Variants in PIGQ observed in about 807,000 individuals in gnomAD.
PIGQ encodes phosphatidylinositol N-acetylglucosaminyltransferase subunit Q.
In PIGQ, 54 loss-of-function variants were observed where a neutral mutation model predicts 60.3. The observed-to-expected ratio is 0.90, with a 90% CI of 0.72 to 1.12. The LOEUF is 1.12. Among genes scored for constraint, PIGQ ranks in the 50% most tolerant of loss-of-function variants. PIGQ has a pLI of 0.00. For missense variants in PIGQ, 799 were observed against 793.5 expected (o/e 1.01, Z -0.08); for synonymous variants, 416 against 363.7 (o/e 1.14, Z -1.64).
chr16:581,693 A>G (rs1449272744), intron 9 of PIGQ: 1 of 156,388 alleles, frequency 6.4e-6, no homozygotes, highest in Non-Finnish European at 1.4e-5. Context: ...CGAACTCCTG[A>G]CCTCGTGATC....
Position 574,424 on chromosome 16 carries a change from C to T in PIGQ, c.350C>T (p.Ala117Val), listed in dbSNP as rs111753944. Residue 117 changes from alanine to valine, a missense_variant, in exon 2 of 11, where the codon GCC becomes GTC. By Grantham distance (64) the Ala-to-Val change is moderately conservative. Transcript: ENST00000321878. ...GCCACCCACCGGCAAGCGCCCACTG[C>T]CCCCGGTGCCCCTGGTGAGGACCAG... is the stretch of plus-strand genomic sequence containing the variant. ...CEATHRQAPT[A>V]PGAPGEDQVM... is the part of the protein sequence containing the mutation. 11,055 of 1,610,296 alleles carry T rather than the reference C, an allele frequency of 6.9e-3. 46 individuals carry two copies. Among genetic ancestry groups the T allele is most frequent in the Non-Finnish European group, 8.7e-3 (10,214 of 1,178,958 alleles).
chr16:572,476 G>C (rs2035648550), intron 1 of PIGQ: 1 of 455,522 alleles, frequency 2.2e-6, no homozygotes, highest in African/African-American at 2.0e-5. Context: ...TCCGTGTGAG[G>C]CCTCTTCCAG....
rs1372127890 is a variant in PIGQ, at chr16:570,020, C to T, written c.-86C>T. 2 of 149,594 alleles carry T rather than the reference C, an allele frequency of 1.3e-5. No individual in the cohort carries two copies. Among genetic ancestry groups the T allele is most frequent in the Non-Finnish European group, 3.0e-5 (2 of 66,980 alleles). 9.3% of individuals were successfully genotyped at this position (149,594 alleles called of 1,614,324 possible). On this transcript the variant is annotated 5_prime_UTR_variant, in exon 1 of 11. Coordinates refer to ENST00000321878, the MANE Select transcript of PIGQ (RefSeq NM_004204.5). ...GGCTGGAGGCAGCGAGCGCCGTCGTCTGCCCGGGCCCGCCCATCGGGGTCC... is the reference window on the plus strand; with the variant it reads ...GGCTGGAGGCAGCGAGCGCCGTCGTTTGCCCGGGCCCGCCCATCGGGGTCC...
In PIGQ at chr16:583,395, G is replaced by C; in HGVS notation, c.*360G>C. On this transcript the variant is annotated 3_prime_UTR_variant, in exon 11 of 11. Transcript: ENST00000321878. Reference sequence around the variant, plus strand: ...GGTCCGTCCACCACAGCAGCCCCAGGTGGAGGGCTGGTCTCCCTGGGGGCT... The same window carrying C: ...GGTCCGTCCACCACAGCAGCCCCAGCTGGAGGGCTGGTCTCCCTGGGGGCT... 6.2e-7 allele frequency: 1 copy of C among 1,612,714 alleles called. No homozygotes were observed. Among genetic ancestry groups the C allele is most frequent in the Non-Finnish European group, 8.5e-7 (1 of 1,179,886 alleles).
At position 583,770 on chromosome 16, in the gene PIGQ, ATCTG is replaced by A; in HGVS notation, c.*739_*742del. 1 of 970,782 alleles carries A rather than the reference ATCTG, an allele frequency of 1.0e-6. No individual in the cohort carries two copies. The highest frequency in any genetic ancestry group is 1.6e-6 in the Non-Finnish European group (1 of 622,498). The allele number at this position is 970,782 out of a possible 1,614,324, so 60.1% of individuals were successfully genotyped here. The stretch of plus-strand genomic sequence containing the variant: ...CCGTAGCAGCAGGTCCTGCGGCCAA[ATCTG>A]TCTCCCTTCATGGGCCTCCCAGGGA... On this transcript the variant is annotated 3_prime_UTR_variant, in exon 11 of 11. Coordinates refer to ENST00000321878, the MANE Select transcript of PIGQ (RefSeq NM_004204.5).
chr16:574,757 C>A lies in PIGQ; in HGVS notation c.683C>A (p.Ala228Asp). 1 of 1,567,352 alleles carries A rather than the reference C, an allele frequency of 6.4e-7. No individual in the cohort carries two copies. Among genetic ancestry groups the A allele is most frequent in the Non-Finnish European group, 8.6e-7 (1 of 1,161,414 alleles). The change falls in exon 2 of 11, where the codon GCC becomes GAC. Residue 228 changes from alanine to aspartate, a missense_variant. Physicochemically the swap from Ala to Asp is moderately radical, Grantham distance 126. Transcript: ENST00000321878. ...SLLSLVSAVS[A>D]CRVFKLWPLS... Reference sequence around the variant, plus strand: ...CTGTCGCTGGTCTCAGCTGTCAGTGCCTGCCGGTAGGTGTCCCGGGACAGG... The same window carrying A: ...CTGTCGCTGGTCTCAGCTGTCAGTGACTGCCGGTAGGTGTCCCGGGACAGG...
intron 1 of PIGQ, among the ~76,000 whole-genome samples, chr16:573,204 G>C (rs2151043587): frequency 6.6e-6 from 1 of 152,360 alleles, no homozygotes; most frequent in African/African-American, 2.4e-5. Flanking sequence ...TTGGAAGGCT[G>C]GTGTCCCTCA....
In PIGQ at chr16:574,207, G is replaced by A. The variant is rs749896045; in HGVS notation, c.133G>A (p.Val45Ile). Residue 45 changes from valine (V) to isoleucine (I), a missense_variant, in exon 2 of 11, where the codon GTC (valine) becomes ATC (isoleucine). Coordinates refer to ENST00000321878, the MANE Select transcript of PIGQ (RefSeq NM_004204.5). ...VLHFPFIPIQ[V>I]KQLLAQVRQA... ...GCACTTTCCCTTCATCCCCATCCAG[G>A]TCAAGCAGCTCCTGGCCCAGGTGCG... 2 of 1,612,310 alleles carry A rather than the reference G, an allele frequency of 1.2e-6. No individual in the cohort carries two copies. Among genetic ancestry groups the A allele is most frequent in the Admixed American group, 3.3e-5 (2 of 60,004 alleles).
At chr16:573,786 C>T (rs1166433670) in intron 1 of PIGQ, among the ~76,000 whole-genome samples, 3 of 152,172 alleles carry the variant, frequency 2.0e-5, no homozygotes, top group Non-Finnish European at 4.4e-5. Context: ...AATGGGAGGG[C>T]AGGCCTGGTG....
chr16:571,393 CGTGT>C (rs1206031871), intron 1 of PIGQ, among the ~76,000 whole-genome samples: 3 of 56,194 alleles, frequency 5.3e-5, no homozygotes, highest in Admixed American at 4.1e-4. Context: ...GCCTGGTGCC[CGTGT>C]GTGTGTGTCT....
In PIGQ at chr16:574,202, T is replaced by C. The variant is rs761241200; in HGVS notation, c.128T>C (p.Ile43Thr). The C allele has an allele frequency of 6.2e-7, 1 of 1,612,356 alleles. No homozygotes were observed. The highest frequency in any genetic ancestry group is 8.5e-7 in the Non-Finnish European group (1 of 1,179,798). ...LAVLHFPFIPIQVKQLLAQVR... is the reference protein window; with the variant it reads ...LAVLHFPFIPTQVKQLLAQVR... Reference sequence around the variant, plus strand: ...GTCCTGCACTTTCCCTTCATCCCCATCCAGGTCAAGCAGCTCCTGGCCCAG... The same window carrying C: ...GTCCTGCACTTTCCCTTCATCCCCACCCAGGTCAAGCAGCTCCTGGCCCAG... Residue 43 changes from isoleucine to threonine, a missense_variant, in exon 2 of 11, where the codon ATC becomes ACC. Ile to Thr is a moderately conservative substitution (Grantham distance 89, BLOSUM62 -1). Coordinates refer to ENST00000321878, the MANE Select transcript of PIGQ (RefSeq NM_004204.5).
Position 583,456 on chromosome 16 carries a change from G to A in PIGQ, c.*421G>A, listed in dbSNP as rs1461827308. 10 of 1,612,682 alleles carry A rather than the reference G, an allele frequency of 6.2e-6. No individual in the cohort carries two copies. Among genetic ancestry groups the A allele is most frequent in the Non-Finnish European group, 8.5e-6 (10 of 1,179,924 alleles). ...TCTGCCCTGGCTGTGGGGGTGGAGGGACCTTGCCAGGATGAACCCCCCAGT... is the reference window on the plus strand; with the variant it reads ...TCTGCCCTGGCTGTGGGGGTGGAGGAACCTTGCCAGGATGAACCCCCCAGT... On this transcript the variant is annotated 3_prime_UTR_variant, in exon 11 of 11. Transcript: ENST00000321878.
chr16:576,831 T>G, intron 4 of PIGQ: 1 of 282,810 alleles, frequency 3.5e-6, no homozygotes, highest in Non-Finnish European at 6.5e-6. Context: ...CTCTGGGCCT[T>G]CAGCTTCTCT....
Position 583,991 on chromosome 16 carries a change from G to A in PIGQ, c.*956G>A. On this transcript the variant is annotated 3_prime_UTR_variant, in exon 11 of 11. Coordinates refer to ENST00000321878, the MANE Select transcript of PIGQ (RefSeq NM_004204.5). ...CCGGCTGGTGAGGGGATGACGCGCT[G>A]TGGGTGGGAGGAGGCAGCGCCCATC... 1 of 381,190 alleles carries A rather than the reference G, an allele frequency of 2.6e-6. No homozygotes were observed. The highest frequency in any genetic ancestry group is 5.1e-6 in the Non-Finnish European group (1 of 196,922). 23.6% of individuals were successfully genotyped at this position (381,190 alleles called of 1,614,324 possible). A position where few individuals can be genotyped will look rare whatever the true frequency, so the allele number is the denominator to read the frequency against.
Position 575,944 on chromosome 16 carries a change from G to A in PIGQ, c.795G>A (p.Lys265=), listed in dbSNP as rs755901996. ...TCACGCTAATCTTCAGTACACGGAA[G>A]GCGGAGAACCCTGCCCAGCTGATGA... ...EHLTLIFSTR[K]AENPAQLMRK... is the part of the protein sequence containing the mutation. Residue 265 remains lysine (K), a synonymous_variant, in exon 3 of 11, where the codon AAG becomes AAA. Coordinates refer to ENST00000321878, the MANE Select transcript of PIGQ (RefSeq NM_004204.5). 6.3e-7 allele frequency: 1 copy of A among 1,585,898 alleles called. No homozygotes were observed. Among genetic ancestry groups the A allele is most frequent in the Non-Finnish European group, 8.6e-7 (1 of 1,166,488 alleles).
intron 7 of PIGQ, 65 bp downstream of exon 7, chr16:579,245 C>T (rs1041897825): frequency 3.6e-5 from 49 of 1,360,560 alleles, no homozygotes; most frequent in Admixed American, 1.7e-4. Context: ...TGGGCCAGCG[C>T]GGTGCTTGGG....
At chr16:574,815 G>A in intron 2 of PIGQ, 52 bp downstream of exon 2, 1 of 1,358,010 alleles carries the variant, frequency 7.4e-7, no homozygotes, top group Non-Finnish European at 9.8e-7. Flanking sequence ...CATGAGTGCT[G>A]GCCCATCCCT....
chr16:580,450 A>T, intron 8 of PIGQ, 187 bp downstream of exon 8: 1 of 560,606 alleles, frequency 1.8e-6, no homozygotes, highest in South Asian at 2.4e-5. Context: ...CTGGCCAGTA[A>T]GACACCCTCA....
chr16:580,946 G>C lies in PIGQ; in HGVS notation c.1505G>C (p.Arg502Pro). 6.2e-7 allele frequency: 1 copy of C among 1,610,436 alleles called. No individual in the cohort carries two copies. Among genetic ancestry groups the C allele is most frequent in the Non-Finnish European group, 8.5e-7 (1 of 1,178,262 alleles). ...CTGCCGCTGTACTCACTGGGTCTTC[G>C]GCTCTGCCGGCCCTACAGGCTGGCG... is the stretch of plus-strand genomic sequence containing the variant. Reference protein sequence around the residue: ...NSLPLYSLGLRLCRPYRLAAG... With the variant: ...NSLPLYSLGLPLCRPYRLAAG... Residue 502 changes from arginine to proline, a missense_variant, in exon 9 of 11, where the codon CGG becomes CCG. By Grantham distance (103) the Arg-to-Pro change is moderately radical. Transcript: ENST00000321878.
Sources: gnomAD v4.1 joint callset for allele counts (sites outside exome capture counted in the v4.1 genomes callset) on GRCh38, gnomAD v4.1.1 for gene constraint, MANE v1.5 for transcripts, NCBI Gene and HGNC (gene_info 2026-07-23, HGNC 2026-07-21) for gene names.